CDH13: variants seen among roughly 807,000 people sequenced by gnomAD.
CDH13 encodes cadherin 13, also known as cadherin-13.
Under a neutral mutation model 63.8 loss-of-function variants are expected in CDH13, and 24 were observed. The ratio of observed to expected loss-of-function variants is 0.38; its 90% confidence interval spans 0.27 to 0.53. The LOEUF is 0.53. CDH13 is among the 20% of genes least tolerant of loss of function. The pLI is 0.85. For synonymous variants in CDH13, 503 were observed against 355.3 expected, an observed-to-expected ratio of 1.42 and a Z score of -4.67; for missense variants, 1,049 against 903.1, an observed-to-expected ratio of 1.16 and a Z score of -2.07.
chr16:82,852,281 T>G (rs182757196), intron 1 of CDH13, among the ~76,000 whole-genome samples: 18 of 152,334 alleles, frequency 1.2e-4, no homozygotes, highest in Non-Finnish European at 8.8e-5. Context: ...GGATGTTTAG[T>G]GTACAATCAG....
chr16:83,392,109 A>T (rs934276114), intron 6 of CDH13, among the ~76,000 whole-genome samples: 2 of 152,086 alleles, frequency 1.3e-5, no homozygotes, highest in Non-Finnish European at 2.9e-5. Context: ...CTTCGAAAGC[A>T]CACCCCTATA....
At chr16:83,093,972 A>G (rs1023343461) in intron 3 of CDH13, among the ~76,000 whole-genome samples, 1 of 152,192 alleles carries the variant, frequency 6.6e-6, no homozygotes, top group African/African-American at 2.4e-5. Context: ...AGTTACAGAA[A>G]TGTTTCATAG....
At chr16:83,194,363 C>T (rs1278645776) in intron 4 of CDH13, among the ~76,000 whole-genome samples, 2 of 152,188 alleles carry the variant, frequency 1.3e-5, no homozygotes, top group Non-Finnish European at 2.9e-5. Flanking sequence ...AGCAAAATGA[C>T]TGACTACATA....
chr16:83,162,634 C>T (rs1045177674), intron 4 of CDH13, among the ~76,000 whole-genome samples: 2 of 150,896 alleles, frequency 1.3e-5, no homozygotes, highest in African/African-American at 4.8e-5. Flanking sequence ...CCTCAAATTT[C>T]AGGTTGCCTA....
chr16:82,707,369 G>A (rs1483670194), intron 1 of CDH13, among the ~76,000 whole-genome samples: 1 of 152,200 alleles, frequency 6.6e-6, no homozygotes, highest in African/African-American at 2.4e-5. Context: ...AACAACAGGT[G>A]CAATACAGGC....
intron 5 of CDH13, among the ~76,000 whole-genome samples, chr16:83,237,131 A>G (rs7186350): frequency 0.38 from 58,260 of 151,920 alleles, 11,492 homozygotes; most frequent in African/African-American, 0.48. Context: ...TATGTAGATG[A>G]AAACAATTTT....
chr16:82,851,299 G>A (rs1250811858), intron 1 of CDH13, among the ~76,000 whole-genome samples: 1 of 152,012 alleles, frequency 6.6e-6, no homozygotes, highest in South Asian at 2.1e-4. Context: ...GCTGGGCATA[G>A]TGGCGGATGC....
intron 4 of CDH13, among the ~76,000 whole-genome samples, chr16:83,184,113 CACACACACACACAT>C (rs1057324543): frequency 2.7e-5 from 4 of 147,024 alleles, no homozygotes; most frequent in East Asian, 2.0e-4. Context: ...CACACACACA[CACACACACACACAT>C]ACACACACAC....
intron 7 of CDH13, among the ~76,000 whole-genome samples, chr16:83,553,354 A>T (rs1466279639): frequency 6.6e-6 from 1 of 152,198 alleles, no homozygotes; most frequent in Non-Finnish European, 1.5e-5. Flanking sequence ...AAAGTTATAA[A>T]ATTCACATCT....
In CDH13 at chr16:82,897,502, G is replaced by A. The variant is rs2041309293; in HGVS notation, c.157+39029G>A. Among the ~76,000 whole-genome samples the A allele has an allele frequency of 2.0e-5, 3 of 152,178 alleles. No individual in the cohort carries two copies. The South Asian group carries it at 6.2e-4, about 32-fold the overall frequency. On this transcript the variant is annotated intron_variant, in intron 2 of 13. Coordinates refer to ENST00000567109, the MANE Select transcript of CDH13 (RefSeq NM_001257.5). Reference sequence around the variant, plus strand: ...CTACTTTATTACTGAGAATTTATCTGTACTGTCTAGTTTTACAGCAACGCT... The same window carrying A: ...CTACTTTATTACTGAGAATTTATCTATACTGTCTAGTTTTACAGCAACGCT...
At chr16:83,268,756 T>G (rs2088701933) in intron 5 of CDH13, among the ~76,000 whole-genome samples, 1 of 152,190 alleles carries the variant, frequency 6.6e-6, no homozygotes, top group African/African-American at 2.4e-5. Flanking sequence ...ATTTATATAG[T>G]CCATGAACTA....
At chr16:83,515,892 A>G (rs1567729011) in intron 7 of CDH13, among the ~76,000 whole-genome samples, 1 of 152,192 alleles carries the variant, frequency 6.6e-6, no homozygotes. Context: ...ATCTTTATAT[A>G]GGAATTAAAC....
intron 2 of CDH13, among the ~76,000 whole-genome samples, chr16:82,989,051 T>C (rs1408339993): frequency 1.3e-5 from 2 of 151,492 alleles, no homozygotes; most frequent in East Asian, 3.9e-4. Context: ...CTAAGTTAAT[T>C]TGAAATTGAA....
At chr16:83,128,178 C>T (rs2035893784) in intron 4 of CDH13, among the ~76,000 whole-genome samples, 1 of 152,166 alleles carries the variant, frequency 6.6e-6, no homozygotes, top group African/African-American at 2.4e-5. Context: ...AGATTGATTC[C>T]ACTGGGGTGG....
chr16:83,073,078 C>G (rs772570354), intron 3 of CDH13, among the ~76,000 whole-genome samples: 1 of 152,110 alleles, frequency 6.6e-6, no homozygotes, highest in Admixed American at 6.5e-5. Flanking sequence ...TGGTAGCTCA[C>G]GAACTCCTCG....
At chr16:83,342,031 A>ACACACACACT (rs1272788940) in intron 5 of CDH13, among the ~76,000 whole-genome samples, 6 of 148,532 alleles carry the variant, frequency 4.0e-5, no homozygotes, top group South Asian at 2.1e-4. Flanking sequence ...ACACACACAC[A>ACACACACACT]CTTTGTCAAT....
intron 5 of CDH13, among the ~76,000 whole-genome samples, chr16:83,235,902 A>G (rs2040129781): frequency 6.6e-6 from 1 of 152,166 alleles, no homozygotes; most frequent in African/African-American, 2.4e-5. Flanking sequence ...ATGAAGTGCT[A>G]AAGGATTAAA....
chr16:82,880,356 A>C (rs1047829495), intron 2 of CDH13, among the ~76,000 whole-genome samples: 3 of 152,092 alleles, frequency 2.0e-5, no homozygotes, highest in African/African-American at 7.2e-5. Flanking sequence ...CTTACATGGT[A>C]CCCGCTGGGT....
chr16:82,987,417 C>G (rs1482684521), intron 2 of CDH13, among the ~76,000 whole-genome samples: 1 of 152,088 alleles, frequency 6.6e-6, no homozygotes, highest in Admixed American at 6.6e-5. Flanking sequence ...TGATCTGTCT[C>G]CCAGGCTGGA....
Sources: gnomAD v4.1 joint callset for allele counts (sites outside exome capture counted in the v4.1 genomes callset) on GRCh38, gnomAD v4.1.1 for gene constraint, MANE v1.5 for transcripts, NCBI Gene and HGNC (gene_info 2026-07-23, HGNC 2026-07-21) for gene names.